Variants in SLC38A9 observed in about 807,000 individuals in gnomAD.
The protein encoded by SLC38A9 is neutral amino acid transporter 9.
SLC38A9 carries 48 observed loss-of-function variants against 62.3 expected under a neutral mutation model. That is an observed-to-expected ratio of 0.77 (90% CI 0.61 to 0.98). The LOEUF (loss-of-function observed/expected upper bound fraction) is 0.98. Ranked by LOEUF, SLC38A9 falls within the 50% of genes least tolerant of loss-of-function variation. SLC38A9 has a pLI of 0.00. For synonymous variants in SLC38A9, 204 were observed against 227.7 expected, an observed-to-expected ratio of 0.90 and a Z score of 0.94; for missense variants, 541 against 679.8, an observed-to-expected ratio of 0.80 and a Z score of 2.27.
rs768044070 is a variant in SLC38A9, at chr5:55,626,538, T to C, written c.1642A>G (p.Ile548Val). The C allele has an allele frequency of 6.2e-7, 1 of 1,613,492 alleles. No individual in the cohort carries two copies. Among genetic ancestry groups the C allele is most frequent in the Non-Finnish European group, 8.5e-7 (1 of 1,179,742 alleles). Residue 548 changes from isoleucine to valine, a missense_variant, in exon 16 of 16, where the codon ATC becomes GTC. Transcript: ENST00000396865. ...ATCAGGTTAGCCACGCCCAAAATGA[T>C]GATGAAAACGTGGAAGATTAATTTA... ...WPKLIFHVFI[I>V]ILGVANLIVQ... is the part of the protein sequence containing the mutation.
In SLC38A9 at chr5:55,708,522, A is replaced by T. The variant is rs192942169; in HGVS notation, c.-35+2930T>A. On this transcript the variant is annotated intron_variant, in intron 2 of 15. Coordinates refer to ENST00000396865, the MANE Select transcript of SLC38A9 (RefSeq NM_173514.4). Reference sequence around the variant, plus strand: ...CTTTTCACAATTCTTTGCAAAAATAAATCTATAGAATCTATGCCAAGATGC... The same window carrying T: ...CTTTTCACAATTCTTTGCAAAAATATATCTATAGAATCTATGCCAAGATGC... 4.3e-3 allele frequency among the ~76,000 whole-genome samples: 653 copies of T among 152,350 alleles called. 3 individuals carry two copies. The highest frequency in any genetic ancestry group is 0.015 in the African/African-American group (616 of 41,580).
chr5:55,627,869 C>T (rs558286685), intron 15 of SLC38A9, 22 bp downstream of exon 15: 2 of 1,434,356 alleles, frequency 1.4e-6, no homozygotes, highest in South Asian at 2.4e-5. Context: ...TGTAAGGGCA[C>T]CATTCCCTTA....
chr5:55,680,828 T>C (rs537171239), intron 3 of SLC38A9, among the ~76,000 whole-genome samples: 1 of 152,382 alleles, frequency 6.6e-6, no homozygotes, highest in African/African-American at 2.4e-5. Context: ...ATGATGGCTG[T>C]ATTTTCAATC....
rs1156586096 is a variant in SLC38A9 at position 55,712,316 on chromosome 5, A to G, written c.-182T>C. On this transcript the variant is annotated 5_prime_UTR_variant, in exon 1 of 16. Transcript: ENST00000396865. ...TGCGACCGCGGGGCTCCTAGTCCAAACAGGAAGCGGCAATAGCCTGGGTCG... is the reference window on the plus strand; with the variant it reads ...TGCGACCGCGGGGCTCCTAGTCCAAGCAGGAAGCGGCAATAGCCTGGGTCG... 2 of 152,698 alleles carry G rather than the reference A, an allele frequency of 1.3e-5. No individual in the cohort carries two copies. The highest frequency in any genetic ancestry group is 2.9e-5 in the Non-Finnish European group (2 of 68,088). 9.5% of individuals were successfully genotyped at this position (152,698 alleles called of 1,614,324 possible).
At chr5:55,680,215 CT>C (rs1561400546) in intron 3 of SLC38A9, among the ~76,000 whole-genome samples, 1 of 32,646 alleles carries the variant, frequency 3.1e-5, no homozygotes, top group Non-Finnish European at 1.1e-4. Flanking sequence ...GTGTATATAT[CT>C]ATATATATAT....
chr5:55,635,476 A>G, intron 13 of SLC38A9, 68 bp downstream of exon 13: 1 of 1,145,828 alleles, frequency 8.7e-7, no homozygotes, highest in Non-Finnish European at 1.3e-6. Context: ...TTGCCACTGT[A>G]TCACCCTACC....
chr5:55,678,645 C>CTTTG lies in SLC38A9; in HGVS notation c.114-5951_114-5950insCAAA, dbSNP rs1561397701. 9.6e-3 allele frequency among the ~76,000 whole-genome samples: 441 copies of CTTTG among 45,820 alleles called. 23 individuals carry two copies. Among genetic ancestry groups the CTTTG allele is most frequent in the Middle Eastern group, 0.014 (1 of 70 alleles). The allele number at this position is 45,820 out of a possible 152,430, so 30.1% of individuals were successfully genotyped here. A position where few individuals can be genotyped will look rare whatever the true frequency, so the allele number is the denominator to read the frequency against. ...AATTGTTGGATAAGACTGAAATGAA[C>CTTTG]TTTTTTTTTTTTTTTTTTTTTTTTT... On this transcript the variant is annotated intron_variant, in intron 3 of 15. Transcript: ENST00000396865.
intron 3 of SLC38A9, chr5:55,696,984 C>G (rs1755937592): frequency 6.5e-6 from 1 of 155,024 alleles, no homozygotes; most frequent in Admixed American, 6.5e-5. Context: ...CAGAGACGCT[C>G]CTCACTTCCT....
intron 11 of SLC38A9, among the ~76,000 whole-genome samples, chr5:55,648,285 T>A (rs975826160): frequency 6.6e-6 from 1 of 152,216 alleles, no homozygotes; most frequent in African/African-American, 2.4e-5. Context: ...CCATTTGTTA[T>A]TGATAGACAT....
chr5:55,649,148 G>C (rs11738633), intron 11 of SLC38A9, 59 bp downstream of exon 11: 577,956 of 895,140 alleles, frequency 0.65, 188,654 homozygotes, highest in South Asian at 0.7. Context: ...TTTTAGAATA[G>C]CATATGACAA....
intron 7 of SLC38A9, among the ~76,000 whole-genome samples, chr5:55,667,432 T>C (rs1484086184): frequency 2.6e-5 from 4 of 152,212 alleles, no homozygotes; most frequent in Non-Finnish European, 5.9e-5. Flanking sequence ...TGCTGAATTC[T>C]ATTAAGTGCC....
Position 55,635,572 on chromosome 5 carries a change from G to A in SLC38A9, c.1253C>T (p.Pro418Leu). The change falls in exon 13 of 16, where the codon CCA (proline) becomes CTA (leucine). Residue 418 changes from proline (P) to leucine (L), a missense_variant. Pro to Leu is a moderately conservative substitution (Grantham distance 98, BLOSUM62 -3). Coordinates refer to ENST00000396865, the MANE Select transcript of SLC38A9 (RefSeq NM_173514.4). ...CTCAATACAATCTTTGGATAATGGTGGTGAAGGAAATGAAGCAAAAACCAG... is the reference window on the plus strand; with the variant it reads ...CTCAATACAATCTTTGGATAATGGTAGTGAAGGAAATGAAGCAAAAACCAG... ...GVLVFASFPS[P>L]PLSKDCIEQN... is the part of the protein sequence containing the mutation. The A allele has an allele frequency of 6.2e-7, 1 of 1,613,308 alleles. No homozygotes were observed. The highest frequency in any genetic ancestry group is 8.5e-7 in the Non-Finnish European group (1 of 1,179,430).
intron 2 of SLC38A9, among the ~76,000 whole-genome samples, chr5:55,698,559 T>C (rs138042528): frequency 1.4e-3 from 206 of 152,320 alleles, no homozygotes; most frequent in Non-Finnish European, 2.6e-3. Flanking sequence ...GCTGGAACTA[T>C]AAAGACCTTT....
At chr5:55,704,719 G>T (rs1457435279) in intron 2 of SLC38A9, among the ~76,000 whole-genome samples, 2 of 152,198 alleles carry the variant, frequency 1.3e-5, no homozygotes, top group Non-Finnish European at 2.9e-5. Context: ...GCATTAATTT[G>T]TCTGAATTAC....
At chr5:55,640,940 G>A (rs1218505274) in intron 12 of SLC38A9, among the ~76,000 whole-genome samples, 6 of 152,094 alleles carry the variant, frequency 3.9e-5, no homozygotes, top group Admixed American at 1.3e-4. Context: ...AGGTTCAAGC[G>A]ATTCTCCTGC....
chr5:55,672,098 TGCCTTG>T (rs1751426938), intron 4 of SLC38A9, among the ~76,000 whole-genome samples: 1 of 152,140 alleles, frequency 6.6e-6, no homozygotes, highest in Non-Finnish European at 1.5e-5. Context: ...GTGATCCTCT[TGCCTTG>T]GCCTCCCAAA....
intron 3 of SLC38A9, among the ~76,000 whole-genome samples, chr5:55,687,421 C>T (rs1249350154): frequency 3.0e-5 from 3 of 98,478 alleles, no homozygotes; most frequent in African/African-American, 1.4e-4. Flanking sequence ...AACGAGACTC[C>T]GTCTCAAAAA....
intron 3 of SLC38A9, among the ~76,000 whole-genome samples, chr5:55,681,719 T>C (rs1374111602): frequency 5.9e-5 from 9 of 152,214 alleles, no homozygotes; most frequent in African/African-American, 9.6e-5. Context: ...CCTATGGGTG[T>C]CACAGCAGTA....
intron 14 of SLC38A9, chr5:55,633,360 G>T (rs1305372708): frequency 6.4e-6 from 1 of 155,204 alleles, no homozygotes; most frequent in African/African-American, 2.4e-5. Flanking sequence ...AACTTCAGAG[G>T]GCAAAGGGGA....
Sources: allele counts gnomAD v4.1 joint callset (sites outside exome capture counted in the v4.1 genomes callset), GRCh38; gene constraint gnomAD v4.1.1; transcripts MANE v1.5; gene names NCBI Gene and HGNC (gene_info 2026-07-23, HGNC 2026-07-21).